The following CBLB variants were observed in gnomAD, a reference collection of about 807,000 sequenced individuals.
The protein encoded by CBLB is E3 ubiquitin-protein ligase CBL-B.
In CBLB, 31 loss-of-function variants were observed where a neutral mutation model predicts 104.9. The observed-to-expected ratio is 0.30, with a 90% CI of 0.22 to 0.40. The LOEUF is 0.40. Among genes scored for constraint, CBLB ranks in the 10% least tolerant of loss-of-function variants. The pLI is 1.00. For synonymous variants in CBLB, 440 were observed against 422.6 expected (o/e 1.04, Z -0.51); for missense variants, 1,062 against 1,214.6 (o/e 0.87, Z 1.87).
At chr3:105,731,783 C>G (rs1559998189) in intron 9 of CBLB, among the ~76,000 whole-genome samples, 1 of 152,118 alleles carries the variant, frequency 6.6e-6, no homozygotes. Flanking sequence ...ATGCTTTGAA[C>G]AAAACATTTT....
At chr3:105,834,561 C>G (rs1287155792) in intron 3 of CBLB, among the ~76,000 whole-genome samples, 4 of 152,038 alleles carry the variant, frequency 2.6e-5, no homozygotes, top group Non-Finnish European at 5.9e-5. Flanking sequence ...GAGGCTGAGG[C>G]AGGAGAATGG....
At chr3:105,737,564 T>C (rs536606456) in intron 7 of CBLB, among the ~76,000 whole-genome samples, 2 of 152,300 alleles carry the variant, frequency 1.3e-5, no homozygotes, top group Admixed American at 1.3e-4. Context: ...TGGTCAATCA[T>C]GTTGTATTCC....
At chr3:105,765,046 A>T (rs2078066967) in intron 4 of CBLB, among the ~76,000 whole-genome samples, 1 of 152,250 alleles carries the variant, frequency 6.6e-6, no homozygotes, top group Non-Finnish European at 1.5e-5. Flanking sequence ...TCTCTCTAAC[A>T]TAAAAGTGCA....
intron 12 of CBLB, among the ~76,000 whole-genome samples, chr3:105,693,876 TAGAC>T (rs2068022944): frequency 6.6e-6 from 1 of 151,964 alleles, no homozygotes; most frequent in Non-Finnish European, 1.5e-5. Context: ...GCTAAATAGG[TAGAC>T]AGTAAAATTC....
intron 3 of CBLB, among the ~76,000 whole-genome samples, chr3:105,848,104 A>C (rs2090507928): frequency 6.6e-6 from 1 of 152,064 alleles, no homozygotes; most frequent in Non-Finnish European, 1.5e-5. Flanking sequence ...AATGGTTTAG[A>C]CACCCAGCTG....
chr3:105,686,051 T>C (rs979815049), intron 13 of CBLB, among the ~76,000 whole-genome samples: 5 of 152,214 alleles, frequency 3.3e-5, no homozygotes, highest in Admixed American at 2.0e-4. Context: ...TGATTAGATG[T>C]AGATAATGAG....
rs1288281207 is a variant in CBLB, at chr3:105,655,909, C to A, written c.*3061G>T. On this transcript the variant is annotated 3_prime_UTR_variant, in exon 19 of 19. Transcript: ENST00000394030. The stretch of plus-strand genomic sequence containing the variant: ...TTAAAAAATCACATTATGAAGAAAT[C>A]TTTGCAAGTGTTCTTGGTATATGAA... 8.9e-6 allele frequency: 2 copies of A among 225,684 alleles called. No homozygotes were observed. Among genetic ancestry groups the A allele is most frequent in the Non-Finnish European group, 1.8e-5 (2 of 113,402 alleles). 14.0% of individuals were successfully genotyped at this position (225,684 alleles called of 1,614,324 possible). A position where few individuals can be genotyped will look rare whatever the true frequency, so the allele number is the denominator to read the frequency against.
rs532769643 is a variant in CBLB, at chr3:105,682,574, T to C, written c.2202-756A>G. ...AAGGCTGGAGTGCAGTGGCATGATC[T>C]TGGCTCACCGCAACCTCCGCCTACC... On this transcript the variant is annotated intron_variant, in intron 14 of 18. Coordinates refer to ENST00000394030, the MANE Select transcript of CBLB (RefSeq NM_170662.5). 2.3e-3 allele frequency among the ~76,000 whole-genome samples: 346 copies of C among 152,286 alleles called. 2 individuals are homozygous for C. Among genetic ancestry groups the C allele is most frequent in the Admixed American group, 6.1e-3 (94 of 15,298 alleles).
intron 3 of CBLB, among the ~76,000 whole-genome samples, chr3:105,780,654 T>TTTTTTTTG (rs2080097015): frequency 1.2e-5 from 1 of 83,720 alleles, no homozygotes; most frequent in Non-Finnish European, 2.4e-5. Flanking sequence ...AAAAGTTTTG[T>TTTTTTTTG]TTTTTGTTTT....
chr3:105,823,556 T>C (rs573714069), intron 3 of CBLB, among the ~76,000 whole-genome samples: 18 of 152,316 alleles, frequency 1.2e-4, no homozygotes, highest in African/African-American at 3.8e-4. Context: ...TAGCTTAACC[T>C]ACTTCCAAAT....
At chr3:105,821,956 T>A (rs868737295) in intron 3 of CBLB, among the ~76,000 whole-genome samples, 1 of 152,142 alleles carries the variant, frequency 6.6e-6, no homozygotes, top group East Asian at 1.9e-4. Flanking sequence ...ACTAAACACA[T>A]CTTTCTGCAT....
chr3:105,686,533 A>C (rs1576337470), intron 13 of CBLB, among the ~76,000 whole-genome samples: 1 of 152,062 alleles, frequency 6.6e-6, no homozygotes, highest in Non-Finnish European at 1.5e-5. Flanking sequence ...TGGTATATTA[A>C]ACAAACATGC....
chr3:105,809,031 T>C (rs2083902494), intron 3 of CBLB, among the ~76,000 whole-genome samples: 1 of 152,186 alleles, frequency 6.6e-6, no homozygotes, highest in African/African-American at 2.4e-5. Context: ...AGCTCATATT[T>C]ATTGAGTTCA....
chr3:105,672,560 C>T (rs1461224262), intron 17 of CBLB: 1 of 157,240 alleles, frequency 6.4e-6, no homozygotes, highest in Non-Finnish European at 1.4e-5. Context: ...AGTAATAAAG[C>T]TTTTCTAAAA....
intron 2 of CBLB, among the ~76,000 whole-genome samples, chr3:105,858,394 T>C (rs2091809501): frequency 6.6e-6 from 1 of 152,186 alleles, no homozygotes. Flanking sequence ...AAAATTGCTT[T>C]TCTAAAGGCA....
At position 105,751,627 on chromosome 3, in the gene CBLB, G is replaced by A; in HGVS notation, c.567-9C>T. 1 of 1,611,400 alleles carries A rather than the reference G, an allele frequency of 6.2e-7. No individual in the cohort carries two copies. Among genetic ancestry groups the A allele is most frequent in the Non-Finnish European group, 8.5e-7 (1 of 1,177,840 alleles). Reference sequence around the variant, plus strand: ...TCCATGGTACGATAGTTCTGTGCAAGGTGGAAAAAAAGGGAAATAATTGAA... The same window carrying A: ...TCCATGGTACGATAGTTCTGTGCAAAGTGGAAAAAAAGGGAAATAATTGAA... On this transcript the variant is annotated splice_polypyrimidine_tract_variant and intron_variant, in intron 4 of 18. Transcript: ENST00000394030.
chr3:105,853,838 C>T (rs1385949128), intron 2 of CBLB, among the ~76,000 whole-genome samples, 174 bp from the exon 3 acceptor site: 1 of 152,018 alleles, frequency 6.6e-6, no homozygotes, highest in Non-Finnish European at 1.5e-5. Flanking sequence ...TAAATAAATC[C>T]TATTCTGTTC....
At chr3:105,699,283 T>G (rs1559866492) in intron 12 of CBLB, among the ~76,000 whole-genome samples, 1 of 152,156 alleles carries the variant, frequency 6.6e-6, no homozygotes, top group Admixed American at 6.5e-5. Context: ...AAATGCCAAG[T>G]GTTACAACTT....
intron 3 of CBLB, among the ~76,000 whole-genome samples, chr3:105,840,751 T>C (rs2089421361): frequency 6.6e-6 from 1 of 151,938 alleles, no homozygotes; most frequent in African/African-American, 2.4e-5. Flanking sequence ...ATAACAAAGA[T>C]AAACAATATC....
Sources: allele counts gnomAD v4.1 joint callset (sites outside exome capture counted in the v4.1 genomes callset), GRCh38; gene constraint gnomAD v4.1.1; transcripts MANE v1.5; gene names NCBI Gene and HGNC (gene_info 2026-07-23, HGNC 2026-07-21).